The following UBE2W variants were observed in gnomAD, a reference collection of about 807,000 sequenced individuals.
The protein encoded by UBE2W is ubiquitin-conjugating enzyme E2 W.
UBE2W carries 18 observed loss-of-function variants against 27.2 expected under a neutral mutation model. The observed-to-expected ratio is 0.66, with a 90% CI of 0.46 to 0.98. UBE2W has a LOEUF of 0.98. UBE2W is among the 50% of genes least tolerant of loss of function. The probability of loss-of-function intolerance (pLI) is 0.00; values close to 1 mark genes in which losing one functional copy is unlikely to be tolerated. For synonymous variants in UBE2W, 53 were observed against 57.2 expected, an observed-to-expected ratio of 0.93 and a Z score of 0.33; for missense variants, 90 against 180.2, an observed-to-expected ratio of 0.50 and a Z score of 2.87.
rs1013938410 is a variant in UBE2W at position 73,791,565 on chromosome 8, T to C, written c.*2537A>G. The C allele has an allele frequency of 5.1e-5, 50 of 985,098 alleles. No homozygotes were observed. Among genetic ancestry groups the C allele is most frequent in the South Asian group, 1.9e-4 (4 of 21,296 alleles). The allele number at this position is 985,098 out of a possible 1,614,324, so 61.0% of individuals were successfully genotyped here. ...TTCAACAATGCATTACAGAGAAATA[T>C]TCTTTTTATTATTACAAGCCATTAA... On this transcript the variant is annotated 3_prime_UTR_variant, in exon 6 of 6. Coordinates refer to ENST00000602593, the MANE Select transcript of UBE2W (RefSeq NM_018299.6).
At chr8:73,849,473 C>T (rs1049821788) in intron 1 of UBE2W, among the ~76,000 whole-genome samples, 7 of 121,838 alleles carry the variant, frequency 5.7e-5, no homozygotes. Context: ...GATCGCGCCA[C>T]TGCACTCCAG....
intron 3 of UBE2W, among the ~76,000 whole-genome samples, chr8:73,822,806 AC>A (rs1809680768): frequency 1.3e-5 from 2 of 152,006 alleles, no homozygotes; most frequent in African/African-American, 4.8e-5. Context: ...ACAAAAACAA[AC>A]AAACAAAAAA....
At position 73,856,357 on chromosome 8, in the gene UBE2W, A is replaced by ATTTTTTTT. The variant is rs34593904; in HGVS notation, c.15+22443_15+22450dup. ...ATAGACAAATTATATACACTTATGA[A>ATTTTTTTT]TTTTTTTTTTTTTTTTTTTTTTTTG... On this transcript the variant is annotated intron_variant, in intron 1 of 5. Transcript: ENST00000602593. 1.5e-3 allele frequency among the ~76,000 whole-genome samples: 130 copies of ATTTTTTTT among 89,320 alleles called. 1 individual carries two copies. The highest frequency in any genetic ancestry group is 2.9e-3 in the East Asian group (8 of 2,798). 58.6% of individuals were successfully genotyped at this position (89,320 alleles called of 152,430 possible).
At position 73,850,528 on chromosome 8, in the gene UBE2W, A is replaced by G. The variant is rs139459001; in HGVS notation, c.16-20056T>C. Among the ~76,000 whole-genome samples, 769 of 152,310 alleles carry G rather than the reference A, an allele frequency of 5.0e-3. 3 individuals are homozygous for G. The highest frequency in any genetic ancestry group is 9.2e-3 in the Non-Finnish European group (627 of 68,018). On this transcript the variant is annotated intron_variant, in intron 1 of 5. Coordinates refer to ENST00000602593, the MANE Select transcript of UBE2W (RefSeq NM_018299.6). ...TACTTAGCTTTAAAAATATACTGCT[A>G]CAAAGATGGATTAATCTTGAAATGA...
chr8:73,869,175 C>G (rs887925075), intron 1 of UBE2W, among the ~76,000 whole-genome samples: 2 of 152,158 alleles, frequency 1.3e-5, no homozygotes, highest in African/African-American at 4.8e-5. Context: ...CCAGTCATCG[C>G]AACACTTTGG....
At position 73,788,066 on chromosome 8, in the gene UBE2W, C is replaced by T. The variant is rs754003698; in HGVS notation, c.*6036G>A. 9.8e-5 allele frequency: 97 copies of T among 984,920 alleles called. No individual in the cohort carries two copies. Among genetic ancestry groups the T allele is most frequent in the Non-Finnish European group, 1.1e-4 (88 of 829,650 alleles). 61.0% of individuals were successfully genotyped at this position (984,920 alleles called of 1,614,324 possible). A position where few individuals can be genotyped will look rare whatever the true frequency, so the allele number is the denominator to read the frequency against. On this transcript the variant is annotated 3_prime_UTR_variant, in exon 6 of 6. Coordinates refer to ENST00000602593, the MANE Select transcript of UBE2W (RefSeq NM_018299.6). The stretch of plus-strand genomic sequence containing the variant: ...AGAAACTACTGTACAAATACTTTTA[C>T]GTCATAAACCAAAAAGAGGTCTGGT...
At chr8:73,806,707 G>A (rs555740796) in intron 4 of UBE2W, among the ~76,000 whole-genome samples, 8 of 152,100 alleles carry the variant, frequency 5.3e-5, no homozygotes, top group Non-Finnish European at 1.0e-4. Flanking sequence ...ACCAGACTTC[G>A]TCTCAAAACA....
chr8:73,792,816 T>G lies in UBE2W; in HGVS notation c.*1286A>C. On this transcript the variant is annotated 3_prime_UTR_variant, in exon 6 of 6. Coordinates refer to ENST00000602593, the MANE Select transcript of UBE2W (RefSeq NM_018299.6). ...TTTTTTTTTTCTATAGAAAGTTTCATCTAGCTGTAAGCAAAGTCTTTTCAA... is the reference window on the plus strand; with the variant it reads ...TTTTTTTTTTCTATAGAAAGTTTCAGCTAGCTGTAAGCAAAGTCTTTTCAA... 1.0e-6 allele frequency: 1 copy of G among 985,512 alleles called. No homozygotes were observed. Among genetic ancestry groups the G allele is most frequent in the Non-Finnish European group, 1.2e-6 (1 of 829,798 alleles). 61.0% of individuals were successfully genotyped at this position (985,512 alleles called of 1,614,324 possible).
chr8:73,877,196 C>A lies in UBE2W; in HGVS notation c.15+1612G>T, dbSNP rs115626999. 7.5e-3 allele frequency among the ~76,000 whole-genome samples: 1,135 copies of A among 152,294 alleles called. 16 individuals carry two copies. Among genetic ancestry groups the A allele is most frequent in the African/African-American group, 0.026 (1,072 of 41,556 alleles). ...GTCATAAAAAATGTTTTAATCTTAA[C>A]ACAGATAAAAATCTTTAAGTGGTAA... On this transcript the variant is annotated intron_variant, in intron 1 of 5. Coordinates refer to ENST00000602593, the MANE Select transcript of UBE2W (RefSeq NM_018299.6).
At chr8:73,834,123 C>A (rs1439603452) in intron 1 of UBE2W, 1 of 152,138 alleles carries the variant, frequency 6.6e-6, no homozygotes, top group Non-Finnish European at 1.5e-5. Flanking sequence ...AAATTGGTTT[C>A]TGTTTTTTCT....
intron 3 of UBE2W, among the ~76,000 whole-genome samples, chr8:73,813,498 T>TA (rs1306108331): frequency 7.9e-5 from 12 of 152,208 alleles, no homozygotes; most frequent in Admixed American, 7.9e-4. Context: ...CTTTTTAACA[T>TA]ACTGCATGCA....
intron 1 of UBE2W, among the ~76,000 whole-genome samples, chr8:73,835,514 G>A (rs1461073937): frequency 1.3e-5 from 2 of 152,162 alleles, no homozygotes; most frequent in Non-Finnish European, 2.9e-5. Context: ...AGGCCGAGGT[G>A]GGTGAATCAC....
intron 1 of UBE2W, among the ~76,000 whole-genome samples, chr8:73,850,973 C>T (rs1811053414): frequency 6.6e-6 from 1 of 151,966 alleles, no homozygotes; most frequent in African/African-American, 2.4e-5. Context: ...AATCTTCCCA[C>T]CTCAGCCTCC....
intron 1 of UBE2W, among the ~76,000 whole-genome samples, chr8:73,877,497 G>A (rs1403526333): frequency 6.6e-6 from 1 of 152,104 alleles, no homozygotes; most frequent in Non-Finnish European, 1.5e-5. Flanking sequence ...AAAAGCACAG[G>A]AGTAAATGTG....
rs144829307 is a variant in UBE2W at position 73,822,777 on chromosome 8, C to T, written c.210+2370G>A. 9.3e-3 allele frequency among the ~76,000 whole-genome samples: 1,411 copies of T among 151,700 alleles called. 16 individuals are homozygous for T. Among genetic ancestry groups the T allele is most frequent in the African/African-American group, 0.028 (1,161 of 41,110 alleles). ...CCAACCTGGGTGACAAAGCGAGACG[C>T]TGTCTCAAAAAAAACAAAACAAAAA... On this transcript the variant is annotated intron_variant, in intron 3 of 5. Transcript: ENST00000602593.
chr8:73,850,519 T>C lies in UBE2W; in HGVS notation c.16-20047A>G, dbSNP rs534727009. ...AATACCACTTACTTAGCTTTAAAAA[T>C]ATACTGCTACAAAGATGGATTAATC... On this transcript the variant is annotated intron_variant, in intron 1 of 5. Coordinates refer to ENST00000602593, the MANE Select transcript of UBE2W (RefSeq NM_018299.6). Among the ~76,000 whole-genome samples the C allele has an allele frequency of 3.9e-5, 6 of 152,164 alleles. No individual in the cohort carries two copies. In the South Asian group the frequency reaches 1.2e-3, roughly 32 times the overall value.
At chr8:73,830,613 G>C in intron 1 of UBE2W, 141 bp from the exon 2 acceptor site, 1 of 623,920 alleles carries the variant, frequency 1.6e-6, no homozygotes, top group Non-Finnish European at 2.8e-6. Context: ...AGCCTCCCAA[G>C]TAGCTTGAGA....
chr8:73,869,821 C>T (rs1187191200), intron 1 of UBE2W, among the ~76,000 whole-genome samples: 2 of 152,178 alleles, frequency 1.3e-5, no homozygotes, highest in Non-Finnish European at 2.9e-5. Context: ...CCTATTGTGC[C>T]ACTGCACTCC....
intron 3 of UBE2W, among the ~76,000 whole-genome samples, chr8:73,824,624 T>C (rs73338469): frequency 2.5e-4 from 38 of 152,190 alleles, no homozygotes; most frequent in Admixed American, 6.5e-4. Flanking sequence ...GGGTTGGGGA[T>C]TGGATGATGG....
Sources: allele counts gnomAD v4.1 joint callset (sites outside exome capture counted in the v4.1 genomes callset), GRCh38; gene constraint gnomAD v4.1.1; transcripts MANE v1.5; gene names NCBI Gene and HGNC (gene_info 2026-07-23, HGNC 2026-07-21).